Variants in ALDH1A1 observed in about 807,000 individuals in gnomAD.
ALDH1A1 encodes aldehyde dehydrogenase 1 family member A1.
ALDH1A1 carries 19 observed loss-of-function variants against 62.1 expected under a neutral mutation model. The observed-to-expected ratio is 0.31, with a 90% CI of 0.21 to 0.45. ALDH1A1 has a LOEUF of 0.45. Among genes scored for constraint, ALDH1A1 ranks in the 20% least tolerant of loss-of-function variants. The pLI is 1.00. For missense variants in ALDH1A1, 521 were observed against 607.1 expected (o/e 0.86, Z 1.49); for synonymous variants, 231 against 215.9 (o/e 1.07, Z -0.61).
At chr9:72,947,780 T>G (rs1830492175) in intron 1 of ALDH1A1, among the ~76,000 whole-genome samples, 1 of 151,976 alleles carries the variant, frequency 6.6e-6, no homozygotes, top group Non-Finnish European at 1.5e-5. Flanking sequence ...AAGTCAGTCA[T>G]GATCTCTGAG....
At position 72,916,962 on chromosome 9, in the gene ALDH1A1, G is replaced by T; in HGVS notation, c.993C>A (p.Ile331=). The T allele has an allele frequency of 5.6e-6, 9 of 1,613,054 alleles. No individual in the cohort carries two copies. Among genetic ancestry groups the T allele is most frequent in the Non-Finnish European group, 7.6e-6 (9 of 1,179,496 alleles). The change falls in exon 9 of 13, where the codon ATC becomes ATA. Residue 331 remains isoleucine, a synonymous_variant. Transcript: ENST00000297785. ...CTCCTGGGGTCAGAGGATTTCCAAG[G>T]ATATACTTCTTAGCCCGCTCAACAC... is the stretch of plus-strand genomic sequence containing the variant. ...RRSVERAKKY[I]LGNPLTPGVT... is the part of the protein sequence containing the mutation.
intron 9 of ALDH1A1, among the ~76,000 whole-genome samples, chr9:72,914,985 TC>T (rs912891739): frequency 6.6e-6 from 1 of 152,138 alleles, no homozygotes; most frequent in Non-Finnish European, 1.5e-5. Flanking sequence ...AAGTTTTTTC[TC>T]CTAACAATAG....
chr9:72,929,055 C>CCA (rs1390670431), intron 3 of ALDH1A1, 34 bp from the exon 4 acceptor site: 20 of 1,468,412 alleles, frequency 1.4e-5, no homozygotes, highest in Non-Finnish European at 1.8e-5. Flanking sequence ...ATCTAAAATT[C>CCA]CATAAGTTTT....
intron 6 of ALDH1A1, among the ~76,000 whole-genome samples, chr9:72,924,545 G>T (rs1046852285): frequency 6.6e-6 from 1 of 152,170 alleles, no homozygotes; most frequent in African/African-American, 2.4e-5. Context: ...CCTAGCTGTT[G>T]TTGATTGTTG....
Position 72,930,973 on chromosome 9 carries a change from A to G in ALDH1A1, c.218T>C (p.Ile73Thr), listed in dbSNP as rs904604343. ...AVKAARQAFQIGSPWRTMDAS... is the reference protein window; with the variant it reads ...AVKAARQAFQTGSPWRTMDAS... ...ATCCATAGTACGCCACGGGGATCCA[A>G]TCTGAAAAGCCTGTCTTGCGGCCTT... Residue 73 changes from isoleucine to threonine, a missense_variant, in exon 3 of 13, where the codon ATT becomes ACT. Coordinates refer to ENST00000297785, the MANE Select transcript of ALDH1A1 (RefSeq NM_000689.5). 6.2e-7 allele frequency: 1 copy of G among 1,613,932 alleles called. No individual in the cohort carries two copies. The highest frequency in any genetic ancestry group is 8.5e-7 in the Non-Finnish European group (1 of 1,179,968).
At chr9:72,912,382 A>G (rs1404363283) in intron 9 of ALDH1A1, among the ~76,000 whole-genome samples, 1 of 152,184 alleles carries the variant, frequency 6.6e-6, no homozygotes, top group East Asian at 1.9e-4. Flanking sequence ...CAGCACTGCA[A>G]ACACATAAAA....
chr9:72,918,612 G>C (rs1830093810), intron 8 of ALDH1A1, 108 bp downstream of exon 8: 1 of 576,174 alleles, frequency 1.7e-6, no homozygotes, highest in South Asian at 2.4e-5. Flanking sequence ...AGAAGCAAAT[G>C]CTTTTTTTTT....
In ALDH1A1 at chr9:72,901,356, C is replaced by T. The variant is rs528309299; in HGVS notation, c.1434-76G>A. 4.3e-4 allele frequency: 449 copies of T among 1,039,384 alleles called. 2 individuals carry two copies. Among genetic ancestry groups the T allele is most frequent in the South Asian group, 2.8e-3 (190 of 66,702 alleles). The allele number at this position is 1,039,384 out of a possible 1,614,324, so 64.4% of individuals were successfully genotyped here. A position where few individuals can be genotyped will look rare whatever the true frequency, so the allele number is the denominator to read the frequency against. On this transcript the variant is annotated intron_variant, in intron 12 of 12. Transcript: ENST00000297785. ...AATATACTGTAGTTCATGTTTGGTACGAGTTTGTTCTTGTTTTACTGGCTA... is the reference window on the plus strand; with the variant it reads ...AATATACTGTAGTTCATGTTTGGTATGAGTTTGTTCTTGTTTTACTGGCTA...
At chr9:72,920,159 G>A (rs1830121767) in intron 7 of ALDH1A1, among the ~76,000 whole-genome samples, 1 of 152,096 alleles carries the variant, frequency 6.6e-6, no homozygotes, top group Non-Finnish European at 1.5e-5. Flanking sequence ...GTGAGTGTAT[G>A]TTTAGATTTT....
rs1170512855 is a variant in ALDH1A1, at chr9:72,926,347, C to G, written c.505-735G>C. 2.0e-5 allele frequency among the ~76,000 whole-genome samples: 3 copies of G among 152,300 alleles called. No individual in the cohort carries two copies. In the East Asian group the frequency reaches 5.8e-4, roughly 29 times the overall value. ...ACTTTTGAATTAATAAGCAATTTCA[C>G]TAAAATATTGATATGAATATATTTC... On this transcript the variant is annotated intron_variant, in intron 5 of 12. Coordinates refer to ENST00000297785, the MANE Select transcript of ALDH1A1 (RefSeq NM_000689.5).
intron 2 of ALDH1A1, among the ~76,000 whole-genome samples, chr9:72,939,627 C>G (rs1174731224): frequency 6.6e-6 from 1 of 151,198 alleles, no homozygotes; most frequent in East Asian, 1.9e-4. Context: ...AAGCAATTCT[C>G]CTGCCTCAGC....
intron 7 of ALDH1A1, among the ~76,000 whole-genome samples, chr9:72,920,012 T>C (rs1830118525): frequency 6.6e-6 from 1 of 152,222 alleles, no homozygotes; most frequent in South Asian, 2.1e-4. Flanking sequence ...TCCACCAACA[T>C]GTTCTTTGCC....
At chr9:72,902,751 G>A (rs982140353) in intron 12 of ALDH1A1, among the ~76,000 whole-genome samples, 7 of 151,760 alleles carry the variant, frequency 4.6e-5, no homozygotes, top group African/African-American at 1.5e-4. Context: ...CTATATCTAC[G>A]ACATAGCCCC....
Position 72,916,900 on chromosome 9 carries a change from C to T in ALDH1A1, c.1035+20G>A. 6.4e-7 allele frequency: 1 copy of T among 1,559,416 alleles called. No individual in the cohort carries two copies. The highest frequency in any genetic ancestry group is 8.7e-7 in the Non-Finnish European group (1 of 1,150,860). On this transcript the variant is annotated intron_variant, in intron 9 of 12. Coordinates refer to ENST00000297785, the MANE Select transcript of ALDH1A1 (RefSeq NM_000689.5). ...TATTCCTGTGCCCTGAAAATGCTATCCTTTCTATTTTATACTTACCTGAGG... is the reference window on the plus strand; with the variant it reads ...TATTCCTGTGCCCTGAAAATGCTATTCTTTCTATTTTATACTTACCTGAGG...
At chr9:72,942,051 A>T (rs1029165054) in intron 1 of ALDH1A1, among the ~76,000 whole-genome samples, 1 of 152,182 alleles carries the variant, frequency 6.6e-6, no homozygotes, top group Non-Finnish European at 1.5e-5. Flanking sequence ...ATACAGATGA[A>T]GACCATAAAA....
rs1286518775 is a variant in ALDH1A1, at chr9:72,900,943, T to C, written c.*265A>G. ...TAGCTACAAAGGAAAATCACATAAC[T>C]ATGACAAAGCTAGAGAGATCATACA... On this transcript the variant is annotated 3_prime_UTR_variant, in exon 13 of 13. Transcript: ENST00000297785. 3.7e-6 allele frequency: 1 copy of C among 272,940 alleles called. No individual in the cohort carries two copies. Among genetic ancestry groups the C allele is most frequent in the Non-Finnish European group, 6.9e-6 (1 of 144,732 alleles). The allele number at this position is 272,940 out of a possible 1,614,324, so 16.9% of individuals were successfully genotyped here. A position where few individuals can be genotyped will look rare whatever the true frequency, so the allele number is the denominator to read the frequency against.
chr9:72,926,523 C>A (rs562952352), intron 5 of ALDH1A1, among the ~76,000 whole-genome samples: 1 of 152,266 alleles, frequency 6.6e-6, no homozygotes, highest in East Asian at 1.9e-4. Context: ...CTTCACAATC[C>A]TCTTAAAAAG....
At chr9:72,951,427 A>T (rs1261763199) in intron 1 of ALDH1A1, among the ~76,000 whole-genome samples, 1 of 151,800 alleles carries the variant, frequency 6.6e-6, no homozygotes, top group Non-Finnish European at 1.5e-5. Context: ...CACAAGGAAG[A>T]CTTTGCAAAC....
At chr9:72,929,057 ATAAGTT>A in intron 3 of ALDH1A1, 36 bp from the exon 4 acceptor site, 1 of 1,487,310 alleles carries the variant, frequency 6.7e-7, no homozygotes, top group East Asian at 2.5e-5. Flanking sequence ...CTAAAATTCC[ATAAGTT>A]TTAGATTAAA....
Sources: allele counts gnomAD v4.1 joint callset (sites outside exome capture counted in the v4.1 genomes callset), GRCh38; gene constraint gnomAD v4.1.1; transcripts MANE v1.5; gene names NCBI Gene and HGNC (gene_info 2026-07-23, HGNC 2026-07-21).